DMXL2: variants seen among roughly 807,000 people sequenced by gnomAD.
The protein encoded by DMXL2 is Dmx like 2.
In DMXL2, 103 loss-of-function variants were observed where a neutral mutation model predicts 331.1. The observed-to-expected ratio is 0.31, with a 90% CI of 0.27 to 0.37. The LOEUF (loss-of-function observed/expected upper bound fraction) is 0.37. Ranked by LOEUF, DMXL2 falls within the 10% of genes least tolerant of loss-of-function variation. The pLI, the probability that DMXL2 is intolerant of heterozygous loss-of-function variation, is 1.00. For synonymous variants in DMXL2, 1,281 were observed against 1,252.1 expected (o/e 1.02, Z -0.49); for missense variants, 3,171 against 3,642.9 (o/e 0.87, Z 3.33).
At chr15:51,457,617 A>C (rs560119052) in intron 36 of DMXL2, 151 bp from the exon 37 acceptor site, 15 of 809,408 alleles carry the variant, frequency 1.9e-5, no homozygotes, top group African/African-American at 3.5e-5. Flanking sequence ...CTAATCGCCA[A>C]TGTTAATACT....
At chr15:51,615,410 T>C (rs1045018889) in intron 1 of DMXL2, among the ~76,000 whole-genome samples, 21 of 152,200 alleles carry the variant, frequency 1.4e-4, no homozygotes, top group African/African-American at 5.1e-4. Context: ...TCAGGGTTTG[T>C]CACAACTTCA....
chr15:51,573,378 T>C (rs1483695173), intron 2 of DMXL2, among the ~76,000 whole-genome samples: 4 of 152,180 alleles, frequency 2.6e-5, no homozygotes, highest in African/African-American at 7.2e-5. Flanking sequence ...ATCATTCTAC[T>C]TTAAAGACAC....
rs149107769 is a variant in DMXL2 at position 51,561,663 on chromosome 15, C to A, written c.567+1718G>T. On this transcript the variant is annotated intron_variant, in intron 6 of 43. Transcript: ENST00000560891. ...ACAAAACTAGAACTACCATACAGTT[C>A]ATCAATCCCACTAATGGGTATTTAT... is the stretch of plus-strand genomic sequence containing the variant. Among the ~76,000 whole-genome samples the A allele has an allele frequency of 2.1e-3, 324 of 152,300 alleles. 1 individual carries two copies. The highest frequency in any genetic ancestry group is 7.5e-3 in the African/African-American group (310 of 41,548).
intron 1 of DMXL2, among the ~76,000 whole-genome samples, chr15:51,596,621 C>T (rs1320043230): frequency 2.6e-5 from 4 of 152,196 alleles, no homozygotes; most frequent in African/African-American, 9.6e-5. Flanking sequence ...CACATGCACA[C>T]ATATGTTTAC....
intron 13 of DMXL2, among the ~76,000 whole-genome samples, chr15:51,522,181 A>T (rs1413256323): frequency 6.6e-6 from 1 of 152,248 alleles, no homozygotes; most frequent in Non-Finnish European, 1.5e-5. Context: ...GTCTTCATAA[A>T]TAGCCTGCTA....
chr15:51,489,455 G>A (rs543260255), intron 20 of DMXL2, among the ~76,000 whole-genome samples: 389 of 152,186 alleles, frequency 2.6e-3, no homozygotes, highest in African/African-American at 9.0e-3. Context: ...TCAGGAGTTC[G>A]AGGGCAGTCT....
intron 6 of DMXL2, among the ~76,000 whole-genome samples, chr15:51,553,789 T>TAA (rs34022999): frequency 1.4e-5 from 2 of 147,246 alleles, no homozygotes; most frequent in African/African-American, 5.0e-5. Context: ...ATGCAGGGTT[T>TAA]AAAAAAAAAA....
At position 51,489,404 on chromosome 15, in the gene DMXL2, C is replaced by T. The variant is rs1227588310; in HGVS notation, c.4954-759G>A. Among the ~76,000 whole-genome samples, 3 of 152,206 alleles carry T rather than the reference C, an allele frequency of 2.0e-5. No individual in the cohort carries two copies. In the East Asian group the frequency reaches 5.8e-4, roughly 29 times the overall value. On this transcript the variant is annotated intron_variant, in intron 20 of 43. Transcript: ENST00000560891. ...GGACGCAGTGGTTCATGCCTGTAAT[C>T]CCAGCATTTTGGGAGGCCGAGACAG... is the stretch of plus-strand genomic sequence containing the variant.
rs1235220925 is a variant in DMXL2, at chr15:51,502,891, T to G, written c.2907A>C (p.Lys969Asn). The change falls in exon 17 of 44, where the codon AAA (lysine) becomes AAC (asparagine). Residue 969 changes from lysine to asparagine, a missense_variant. Transcript: ENST00000560891. ...ACACCAGTCTAGAACTCAGAATAAG[T>G]TTACTGGCAGTTTGAAGATTGGCAA... ...SSIANLQTASKLILSSRLVYS... is the reference protein window; with the variant it reads ...SSIANLQTASNLILSSRLVYS... 3 of 1,614,020 alleles carry G rather than the reference T, an allele frequency of 1.9e-6. No homozygotes were observed. In the Admixed American group the frequency reaches 5.0e-5, roughly 27 times the overall value.
At chr15:51,503,888 T>C (rs1222087111) in intron 16 of DMXL2, among the ~76,000 whole-genome samples, 3 of 152,124 alleles carry the variant, frequency 2.0e-5, no homozygotes, top group African/African-American at 7.2e-5. Context: ...GCAGACAAGG[T>C]CAATTTTCAA....
Position 51,448,731 on chromosome 15 carries a change from G to T in DMXL2, c.*253C>A. Reference sequence around the variant, plus strand: ...TAATCTCAAATGTTTTCTGAATCAGGTTTGCTAAATGCTGTAAAGAATAGC... The same window carrying T: ...TAATCTCAAATGTTTTCTGAATCAGTTTTGCTAAATGCTGTAAAGAATAGC... On this transcript the variant is annotated 3_prime_UTR_variant, in exon 44 of 44. Coordinates refer to ENST00000560891, the MANE Select transcript of DMXL2 (RefSeq NM_001378457.1). The T allele has an allele frequency of 2.2e-6, 1 of 455,496 alleles. No homozygotes were observed. Among genetic ancestry groups the T allele is most frequent in the Non-Finnish European group, 3.9e-6 (1 of 253,954 alleles). 28.2% of individuals were successfully genotyped at this position (455,496 alleles called of 1,614,324 possible). A position where few individuals can be genotyped will look rare whatever the true frequency, so the allele number is the denominator to read the frequency against.
At chr15:51,471,508 T>A in intron 28 of DMXL2, 107 bp from the exon 29 acceptor site, 1 of 1,054,286 alleles carries the variant, frequency 9.5e-7, no homozygotes, top group Non-Finnish European at 1.3e-6. Flanking sequence ...TGGTCTAAAC[T>A]AAATTACTTA....
intron 5 of DMXL2, 25 bp downstream of exon 5, chr15:51,564,100 T>C (rs377682825): frequency 2.6e-5 from 41 of 1,571,688 alleles, no homozygotes; most frequent in Non-Finnish European, 2.9e-5. Context: ...AATTAATGAA[T>C]ATAACAATAG....
intron 10 of DMXL2, 126 bp downstream of exon 10, chr15:51,538,087 A>T: frequency 8.1e-7 from 1 of 1,227,894 alleles, no homozygotes; most frequent in East Asian, 2.3e-5. Flanking sequence ...TGGTCAGTAA[A>T]TACTTGTGTA....
chr15:51,542,302 T>C lies in DMXL2; in HGVS notation c.1105+31A>G, dbSNP rs774740520. The C allele has an allele frequency of 6.9e-6, 11 of 1,590,850 alleles. No homozygotes were observed. In the Admixed American group the frequency reaches 1.4e-4, roughly 20 times the overall value. Reference sequence around the variant, plus strand: ...TCTATTTATTTACCTGACTTCAACATATTTATGGGAAATAAAACTTTATCC... The same window carrying C: ...TCTATTTATTTACCTGACTTCAACACATTTATGGGAAATAAAACTTTATCC... On this transcript the variant is annotated intron_variant, in intron 9 of 43. Coordinates refer to ENST00000560891, the MANE Select transcript of DMXL2 (RefSeq NM_001378457.1).
chr15:51,465,724 G>T, intron 30 of DMXL2, 73 bp from the exon 31 acceptor site: 1 of 1,122,614 alleles, frequency 8.9e-7, no homozygotes, highest in Non-Finnish European at 1.3e-6. Context: ...GGTGTTCCCT[G>T]CCAACTGTTT....
chr15:51,515,011 CA>C (rs2046956673), intron 14 of DMXL2, among the ~76,000 whole-genome samples: 1 of 151,986 alleles, frequency 6.6e-6, no homozygotes, highest in South Asian at 2.1e-4. Flanking sequence ...AACCAAAAAA[CA>C]AAACAAAACC....
intron 13 of DMXL2, among the ~76,000 whole-genome samples, chr15:51,527,839 A>G (rs2047768606): frequency 6.6e-6 from 1 of 152,214 alleles, no homozygotes; most frequent in African/African-American, 2.4e-5. Flanking sequence ...TTAAGTAGAA[A>G]GACTAAATGA....
chr15:51,532,757 G>T (rs1168574987), intron 13 of DMXL2, among the ~76,000 whole-genome samples: 2 of 152,122 alleles, frequency 1.3e-5, no homozygotes, highest in Non-Finnish European at 1.5e-5. Context: ...AAAATGGGAA[G>T]AAGGCAAGAA....
Sources: allele counts gnomAD v4.1 joint callset (sites outside exome capture counted in the v4.1 genomes callset), GRCh38; gene constraint gnomAD v4.1.1; transcripts MANE v1.5; gene names NCBI Gene and HGNC (gene_info 2026-07-23, HGNC 2026-07-21).